The following KIFAP3 variants were observed in gnomAD, a reference collection of about 807,000 sequenced individuals.
KIFAP3 encodes kinesin associated protein 3, also known as kinesin-associated protein 3.
A neutral mutation model predicts 106.5 loss-of-function variants in KIFAP3; 68 were observed. That is an observed-to-expected ratio of 0.64 (90% confidence interval 0.53 to 0.78). The LOEUF (loss-of-function observed/expected upper bound fraction) is 0.78, where lower values mean the gene tolerates loss of function less well. Among genes scored for constraint, KIFAP3 ranks in the 30% least tolerant of loss-of-function variants. KIFAP3 has a pLI of 0.00. For synonymous variants in KIFAP3, 320 were observed against 311.5 expected, an observed-to-expected ratio of 1.03 and a Z score of -0.29; for missense variants, 780 against 941.8, an observed-to-expected ratio of 0.83 and a Z score of 2.25.
rs565174029 is a variant in KIFAP3 at position 170,033,797 on chromosome 1, T to C, written c.742+575A>G. ...CATTGTTAAAGAGGAGCCTATGTAA[T>C]AGCATTTGCCAGGGAAGTTGCAGAA... On this transcript the variant is annotated intron_variant, in intron 7 of 19. Coordinates refer to ENST00000361580, the MANE Select transcript of KIFAP3 (RefSeq NM_014970.4). Among the ~76,000 whole-genome samples, 10 of 151,948 alleles carry C rather than the reference T, an allele frequency of 6.6e-5. No individual in the cohort carries two copies. In the East Asian group the frequency reaches 1.9e-3, roughly 29 times the overall value.
rs749589344 is a variant in KIFAP3 at position 170,038,430 on chromosome 1, A to G, written c.377T>C (p.Ile126Thr). Residue 126 changes from isoleucine (I) to threonine (T), a missense_variant and splice_region_variant, in exon 5 of 20, where the codon ATT becomes ACT. Ile to Thr is a moderately conservative substitution (Grantham distance 89). Coordinates refer to ENST00000361580, the MANE Select transcript of KIFAP3 (RefSeq NM_014970.4). ...KDPPPFEGME[I>T]DEVANINDMD... ...GTCATTAATGTTAGCAACTTCATCA[A>G]TCTGAAACAAAGAGGCAGAAAGTAC... The G allele has an allele frequency of 5.0e-6, 8 of 1,604,354 alleles. No individual in the cohort carries two copies. The highest frequency in any genetic ancestry group is 2.3e-5 in the South Asian group (2 of 88,686).
chr1:170,004,730 G>C (rs1329212274), intron 10 of KIFAP3, among the ~76,000 whole-genome samples: 2 of 151,176 alleles, frequency 1.3e-5, no homozygotes, highest in Admixed American at 6.6e-5. Context: ...AGACTTAAAT[G>C]TTAGACCTAA....
At chr1:169,996,065 T>A (rs931719153) in intron 10 of KIFAP3, among the ~76,000 whole-genome samples, 2 of 152,036 alleles carry the variant, frequency 1.3e-5, no homozygotes, top group African/African-American at 4.8e-5. Context: ...ATATAACAAT[T>A]TATATTAATT....
chr1:170,074,704 C>T (rs1207572485), upstream of KIFAP3: 130 of 1,401,732 alleles, frequency 9.3e-5, no homozygotes, highest in South Asian at 1.8e-3. Context: ...CTAAGCCGGG[C>T]CGTCACGACG....
At chr1:170,030,658 T>A (rs951549952) in intron 8 of KIFAP3, among the ~76,000 whole-genome samples, 8 of 151,868 alleles carry the variant, frequency 5.3e-5, no homozygotes, top group Admixed American at 1.3e-4. Context: ...TATGGATGAA[T>A]CTTTAATTAT....
At chr1:169,992,085 A>T in intron 11 of KIFAP3, 70 bp downstream of exon 11, 1 of 667,200 alleles carries the variant, frequency 1.5e-6, no homozygotes, top group Non-Finnish European at 2.2e-6. Context: ...AATCTTGACA[A>T]ATCAAGAGAA....
chr1:169,955,220 C>A (rs1285279628), intron 18 of KIFAP3, among the ~76,000 whole-genome samples: 1 of 152,110 alleles, frequency 6.6e-6, no homozygotes, highest in East Asian at 1.9e-4. Flanking sequence ...GCAAATTATT[C>A]AATCACCAAA....
In KIFAP3 at chr1:170,016,475, G is replaced by A; in HGVS notation, c.1170C>T (p.Leu390=). The A allele has an allele frequency of 6.2e-7, 1 of 1,603,476 alleles. No homozygotes were observed. The highest frequency in any genetic ancestry group is 8.5e-7 in the Non-Finnish European group (1 of 1,176,020). ...KMVQVGLLPK[L]TALLGNDNYK... ...TAAAAAGCATACCTAGGAGTGCAGTGAGCTTGGGAAGCAGTCCAACTTGTA... is the reference window on the plus strand; with the variant it reads ...TAAAAAGCATACCTAGGAGTGCAGTAAGCTTGGGAAGCAGTCCAACTTGTA... The change falls in exon 10 of 20, where the codon CTC becomes CTT. Residue 390 remains leucine, a synonymous_variant. Coordinates refer to ENST00000361580, the MANE Select transcript of KIFAP3 (RefSeq NM_014970.4).
intron 19 of KIFAP3, among the ~76,000 whole-genome samples, chr1:169,951,218 C>T (rs980476315): frequency 1.3e-5 from 2 of 151,706 alleles, no homozygotes; most frequent in African/African-American, 2.4e-5. Flanking sequence ...TTCTTCTAAA[C>T]ATGAAAAAAG....
chr1:169,926,266 G>C (rs1246299393), intron 19 of KIFAP3, among the ~76,000 whole-genome samples: 1 of 152,120 alleles, frequency 6.6e-6, no homozygotes, highest in Non-Finnish European at 1.5e-5. Flanking sequence ...AACCACACAA[G>C]GAGTCCAATT....
chr1:170,045,730 T>C (rs148898748), intron 3 of KIFAP3, among the ~76,000 whole-genome samples: 1 of 152,300 alleles, frequency 6.6e-6, no homozygotes, highest in African/African-American at 2.4e-5. Context: ...AAACTAAGAT[T>C]TTCAAAAATT....
At chr1:170,025,576 A>G (rs1669060114) in intron 8 of KIFAP3, among the ~76,000 whole-genome samples, 1 of 152,188 alleles carries the variant, frequency 6.6e-6, no homozygotes, top group South Asian at 2.1e-4. Flanking sequence ...ATTGTATGCC[A>G]GGCCTGTTGA....
chr1:170,032,118 A>C (rs540299921), intron 7 of KIFAP3, 134 bp from the exon 8 acceptor site: 2 of 584,942 alleles, frequency 3.4e-6, no homozygotes, highest in South Asian at 4.6e-5. Flanking sequence ...AGTTTAACTA[A>C]AATGTTATCT....
intron 1 of KIFAP3, among the ~76,000 whole-genome samples, chr1:170,059,994 T>C (rs143014512): frequency 6.6e-6 from 1 of 152,230 alleles, no homozygotes; most frequent in African/African-American, 2.4e-5. Context: ...TCTCAATAAA[T>C]TAGGTATTGA....
chr1:169,929,942 T>A (rs1411689852), intron 19 of KIFAP3, among the ~76,000 whole-genome samples: 9 of 152,172 alleles, frequency 5.9e-5, no homozygotes, highest in Admixed American at 5.9e-4. Flanking sequence ...TAAAAACTAA[T>A]TTGTACTAAT....
intron 19 of KIFAP3, among the ~76,000 whole-genome samples, chr1:169,935,081 T>C (rs916313367): frequency 6.6e-6 from 1 of 152,118 alleles, no homozygotes; most frequent in Admixed American, 6.6e-5. Context: ...ACTCTTAAAA[T>C]GCTTTTTAAA....
At chr1:169,948,241 G>A (rs78354603) in intron 19 of KIFAP3, among the ~76,000 whole-genome samples, 1 of 151,710 alleles carries the variant, frequency 6.6e-6, no homozygotes, top group South Asian at 2.1e-4. Context: ...TGATGTGTGG[G>A]TATTAGCACT....
At chr1:169,995,848 AAAAT>A (rs758602618) in intron 10 of KIFAP3, among the ~76,000 whole-genome samples, 1 of 152,168 alleles carries the variant, frequency 6.6e-6, no homozygotes, top group Non-Finnish European at 1.5e-5. Flanking sequence ...TAAAAAAATT[AAAAT>A]AAATAAAAGA....
chr1:169,949,109 A>G (rs1253602401), intron 19 of KIFAP3, among the ~76,000 whole-genome samples: 1 of 151,948 alleles, frequency 6.6e-6, no homozygotes, highest in Non-Finnish European at 1.5e-5. Context: ...TATGATTTTT[A>G]AAAGTACAAC....
Sources: allele counts gnomAD v4.1 joint callset (sites outside exome capture counted in the v4.1 genomes callset), GRCh38; gene constraint gnomAD v4.1.1; transcripts MANE v1.5; gene names NCBI Gene and HGNC (gene_info 2026-07-23, HGNC 2026-07-21).